Variants in PRKG1 observed in about 807,000 individuals in gnomAD.
PRKG1 encodes protein kinase cGMP-dependent 1.
PRKG1 carries 35 observed loss-of-function variants against 88.1 expected under a neutral mutation model. That is an observed-to-expected ratio of 0.40 (90% CI 0.30 to 0.53). PRKG1 has a LOEUF of 0.53. PRKG1 is among the 20% of genes least tolerant of loss of function. The pLI is 0.59. For synonymous variants in PRKG1, 303 were observed against 292.5 expected, an observed-to-expected ratio of 1.04 and a Z score of -0.37; for missense variants, 540 against 839.8, an observed-to-expected ratio of 0.64 and a Z score of 4.41.
chr10:51,762,608 T>A (rs1838048450), intron 3 of PRKG1, among the ~76,000 whole-genome samples: 4 of 152,138 alleles, frequency 2.6e-5, no homozygotes, highest in Admixed American at 2.6e-4. Flanking sequence ...AACAATGACT[T>A]TTTTTTACCT....
At chr10:51,329,063 T>C (rs1027278601) in intron 2 of PRKG1, among the ~76,000 whole-genome samples, 6 of 152,100 alleles carry the variant, frequency 3.9e-5, no homozygotes, top group Admixed American at 2.0e-4. Context: ...TGTAGATGCT[T>C]TTTATTTTGA....
At chr10:51,062,922 C>G (rs1843709428) in intron 1 of PRKG1, 1 of 151,838 alleles carries the variant, frequency 6.6e-6, no homozygotes, top group East Asian at 1.9e-4. Flanking sequence ...GTGCCCGGCC[C>G]AACAGTCTCT....
chr10:51,724,921 G>T (rs1431165089), intron 3 of PRKG1, among the ~76,000 whole-genome samples: 3 of 147,370 alleles, frequency 2.0e-5, no homozygotes, highest in Non-Finnish European at 3.0e-5. Flanking sequence ...TATTGCCCAG[G>T]CTGGTCTTGA....
At chr10:51,044,232 T>C (rs1451636482) in intron 1 of PRKG1, among the ~76,000 whole-genome samples, 1 of 152,184 alleles carries the variant, frequency 6.6e-6, no homozygotes, top group East Asian at 1.9e-4. Context: ...CCCCAGTGCT[T>C]CCCCTCACTA....
chr10:51,958,137 G>T (rs1843358128), intron 5 of PRKG1, among the ~76,000 whole-genome samples: 1 of 152,142 alleles, frequency 6.6e-6, no homozygotes, highest in Non-Finnish European at 1.5e-5. Flanking sequence ...TCCCTGGAAT[G>T]AAAATGTACA....
intron 1 of PRKG1, among the ~76,000 whole-genome samples, chr10:51,066,497 G>A (rs778454173): frequency 6.6e-6 from 1 of 152,082 alleles, no homozygotes; most frequent in Non-Finnish European, 1.5e-5. Flanking sequence ...TGCTGTGTAT[G>A]TAGATAGCAA....
At chr10:51,145,003 T>G (rs1845908759) in intron 1 of PRKG1, among the ~76,000 whole-genome samples, 1 of 144,750 alleles carries the variant, frequency 6.9e-6, no homozygotes, top group Non-Finnish European at 1.5e-5. Context: ...GTAATCTGTC[T>G]CAGAGATTAA....
chr10:51,314,906 G>A (rs911454789), intron 2 of PRKG1, among the ~76,000 whole-genome samples: 1 of 152,110 alleles, frequency 6.6e-6, no homozygotes, highest in Admixed American at 6.6e-5. Flanking sequence ...GTCTCCATTG[G>A]TCTCACATCT....
chr10:51,000,376 C>A (rs541180213), intron 1 of PRKG1, among the ~76,000 whole-genome samples: 1 of 152,284 alleles, frequency 6.6e-6, no homozygotes, highest in Non-Finnish European at 1.5e-5. Flanking sequence ...GAGTATGTTG[C>A]ACATGGGAAT....
chr10:51,296,802 T>A (rs1424505958), intron 2 of PRKG1, among the ~76,000 whole-genome samples: 1 of 152,126 alleles, frequency 6.6e-6, no homozygotes, highest in Non-Finnish European at 1.5e-5. Context: ...TGTAGGCATT[T>A]ATGTTGTATT....
chr10:51,435,425 CATAT>C (rs56689011), intron 2 of PRKG1, among the ~76,000 whole-genome samples: 5,509 of 144,084 alleles, frequency 0.038, 354 homozygotes, highest in African/African-American at 0.13. Context: ...ACATTACTGA[CATAT>C]ATATATATAT....
At chr10:52,104,450 A>T (rs1847368343) in intron 7 of PRKG1, among the ~76,000 whole-genome samples, 1 of 152,058 alleles carries the variant, frequency 6.6e-6, no homozygotes, top group Non-Finnish European at 1.5e-5. Context: ...TTAATCCTTT[A>T]TCTGGTGAAA....
At chr10:51,532,831 A>C (rs867717050) in intron 3 of PRKG1, among the ~76,000 whole-genome samples, 6 of 152,148 alleles carry the variant, frequency 3.9e-5, no homozygotes, top group Admixed American at 2.6e-4. Context: ...CTAAATCAAT[A>C]TCTCTCTCTC....
intron 2 of PRKG1, among the ~76,000 whole-genome samples, chr10:51,231,244 CT>C (rs890447528): frequency 1.6e-4 from 24 of 152,214 alleles, no homozygotes; most frequent in Admixed American, 1.5e-3. Context: ...GTATAATTTC[CT>C]ACTTAAAATT....
intron 9 of PRKG1, among the ~76,000 whole-genome samples, chr10:52,245,749 TTTTA>T (rs10552419): frequency 0.33 from 44,999 of 137,686 alleles, 7,842 homozygotes; most frequent in Non-Finnish European, 0.41. Context: ...GTTAACACCA[TTTTA>T]TTTATTTATT....
At position 51,997,483 on chromosome 10, in the gene PRKG1, AAAAG is replaced by A. The variant is rs570828605; in HGVS notation, c.763-56993_763-56990del. Among the ~76,000 whole-genome samples, 10 of 151,888 alleles carry A rather than the reference AAAAG, an allele frequency of 6.6e-5. No individual in the cohort carries two copies. The South Asian group carries it at 1.9e-3, about 28-fold the overall frequency. On this transcript the variant is annotated intron_variant, in intron 5 of 17. Transcript: ENST00000373980. ...AGACTCTGTCTCAAAAAAAAAAAAA[AAAAG>A]AAAGAAATAAGTTAAAGAGATGTAC...
intron 3 of PRKG1, among the ~76,000 whole-genome samples, chr10:51,550,269 A>G (rs984984455): frequency 6.6e-6 from 1 of 152,120 alleles, no homozygotes; most frequent in Non-Finnish European, 1.5e-5. Flanking sequence ...AGACATTTTC[A>G]TGTCTAGATT....
At chr10:51,122,056 C>T (rs1228018891) in intron 1 of PRKG1, among the ~76,000 whole-genome samples, 2 of 152,132 alleles carry the variant, frequency 1.3e-5, no homozygotes, top group African/African-American at 4.8e-5. Flanking sequence ...AGCATCATGT[C>T]GCTGCTAAAC....
At chr10:51,274,490 C>A (rs1769909895) in intron 2 of PRKG1, among the ~76,000 whole-genome samples, 1 of 152,200 alleles carries the variant, frequency 6.6e-6, no homozygotes, top group African/African-American at 2.4e-5. Flanking sequence ...CCTAGTCATT[C>A]TCTCTGAGCC....
Sources: allele counts gnomAD v4.1 joint callset (sites outside exome capture counted in the v4.1 genomes callset), GRCh38; gene constraint gnomAD v4.1.1; transcripts MANE v1.5; gene names NCBI Gene and HGNC (gene_info 2026-07-23, HGNC 2026-07-21).